SMUG1: variants seen among roughly 807,000 people sequenced by gnomAD.
SMUG1 encodes the protein single-strand selective monofunctional uracil DNA glycosylase.
In SMUG1, 13 loss-of-function variants were observed where a neutral mutation model predicts 23.9. The observed-to-expected ratio is 0.54, with a 90% CI of 0.35 to 0.86. The LOEUF (loss-of-function observed/expected upper bound fraction) is 0.86, where lower values mean the gene tolerates loss of function less well. Ranked by LOEUF, SMUG1 falls within the 40% of genes least tolerant of loss-of-function variation. The pLI is 0.01. For synonymous variants in SMUG1, 133 were observed against 139.8 expected (o/e 0.95, Z 0.34); for missense variants, 313 against 339.5 (o/e 0.92, Z 0.61).
At chr12:54,172,312 C>T in intron 2 of SMUG1, 2 of 318,232 alleles carry the variant, frequency 6.3e-6, no homozygotes, top group South Asian at 2.5e-5. Context: ...GTTCTTCCAA[C>T]ACACCAGACA....
downstream of SMUG1, among the ~76,000 whole-genome samples, chr12:54,160,728 G>A (rs1045438949): frequency 5.9e-5 from 9 of 152,064 alleles, no homozygotes; most frequent in Non-Finnish European, 1.2e-4. Flanking sequence ...CTCTACCATC[G>A]AACATCCAGA....
At chr12:54,177,029 A>C (rs1940776383), downstream of SMUG1, among the ~76,000 whole-genome samples, 2 of 152,146 alleles carry the variant, frequency 1.3e-5, no homozygotes, top group Admixed American at 6.5e-5. Context: ...CTCTAGAGAA[A>C]CTAGTGTTTC....
At chr12:54,179,289 TTC>T (rs1259815136), downstream of SMUG1, among the ~76,000 whole-genome samples, 2 of 152,196 alleles carry the variant, frequency 1.3e-5, no homozygotes, top group East Asian at 1.9e-4. Context: ...GTATCATTAG[TTC>T]TGTCTCTCTA....
chr12:54,181,502 T>C lies in SMUG1; in HGVS notation c.*594A>G. ...ATAGAGAGGTTTATTAATTTGTCAA[T>C]CAAAAAGTTCCAAGTTTCAAAGCTG... On this transcript the variant is annotated 3_prime_UTR_variant, in exon 4 of 4. Coordinates refer to ENST00000682136, the MANE Select transcript of SMUG1 (RefSeq NM_001243787.2). 3 of 1,499,290 alleles carry C rather than the reference T, an allele frequency of 2.0e-6. No homozygotes were observed. The highest frequency in any genetic ancestry group is 2.0e-5 in the Admixed American group (1 of 50,878). 92.9% of individuals were successfully genotyped at this position (1,499,290 alleles called of 1,614,324 possible). A position where few individuals can be genotyped will look rare whatever the true frequency, so the allele number is the denominator to read the frequency against.
chr12:54,170,980 C>T (rs1940600419), intron 3 of SMUG1, among the ~76,000 whole-genome samples: 1 of 151,258 alleles, frequency 6.6e-6, no homozygotes, highest in Non-Finnish European at 1.5e-5. Context: ...TCATTGGATG[C>T]CCTTCACTTT....
chr12:54,172,384 C>T (rs1371812556), intron 2 of SMUG1: 1 of 257,928 alleles, frequency 3.9e-6, no homozygotes, highest in African/African-American at 2.2e-5. Context: ...ACCCGGAAAT[C>T]TGTATGCCAC....
intron 3 of SMUG1, among the ~76,000 whole-genome samples, chr12:54,167,566 A>G (rs1031067015): frequency 6.7e-6 from 1 of 150,164 alleles, no homozygotes; most frequent in African/African-American, 2.5e-5. Context: ...TCCTCATGGA[A>G]CTCCAGTCCA....
intron 3 of SMUG1, among the ~76,000 whole-genome samples, chr12:54,167,760 C>A (rs1314836138): frequency 6.6e-6 from 1 of 152,340 alleles, no homozygotes; most frequent in East Asian, 1.9e-4. Context: ...CCTGAACTAT[C>A]CTGCTTCCAG....
chr12:54,177,944 A>AT (rs1235285886), downstream of SMUG1, among the ~76,000 whole-genome samples: 3 of 152,190 alleles, frequency 2.0e-5, no homozygotes, highest in Non-Finnish European at 4.4e-5. Context: ...TGAAGCCCCA[A>AT]TATGACTATA....
Position 54,186,474 on chromosome 12 carries a change from T to C in SMUG1, c.-20+1345A>G, listed in dbSNP as rs190976707. On this transcript the variant is annotated intron_variant, in intron 2 of 3. Coordinates refer to ENST00000682136, the MANE Select transcript of SMUG1 (RefSeq NM_001243787.2). ...TCTCCCACCTTAGCCTCCTGGGTAC[T>C]GGGATTACAGGTGCGCAGCACCACA... Among the ~76,000 whole-genome samples, 137 of 152,236 alleles carry C rather than the reference T, an allele frequency of 9.0e-4. 2 individuals carry two copies. The East Asian group carries it at 0.019, about 21-fold the overall frequency.
chr12:54,167,380 C>G (rs532749127), intron 3 of SMUG1, among the ~76,000 whole-genome samples: 2 of 152,272 alleles, frequency 1.3e-5, no homozygotes, highest in Admixed American at 1.3e-4. Flanking sequence ...AACAAACAAA[C>G]AGGAAAACCT....
Position 54,182,596 on chromosome 12 carries a change from G to A in SMUG1, c.313C>T (p.Arg105Trp), listed in dbSNP as rs3136389. ...GVPFGEVSMV[R>W]DWLGIVGPVL... ...GGCCCCACAATGCCCAACCAGTCCC[G>A]GACCATGCTTACTTCCCCAAAGGGC... The change falls in exon 4 of 4, where the codon CGG becomes TGG. Residue 105 changes from arginine (R) to tryptophan (W), a missense_variant. Coordinates refer to ENST00000682136, the MANE Select transcript of SMUG1 (RefSeq NM_001243787.2). The A allele has an allele frequency of 1.4e-3, 2,242 of 1,611,704 alleles. 5 individuals are homozygous for A. Among genetic ancestry groups the A allele is most frequent in the Admixed American group, 1.9e-3 (116 of 59,762 alleles).
chr12:54,162,870 G>C (rs1445185158), downstream of SMUG1: 2 of 152,220 alleles, frequency 1.3e-5, no homozygotes, highest in Non-Finnish European at 2.9e-5. Context: ...CTTTGATGCA[G>C]AGCTTGGTTA....
At chr12:54,175,449 T>G (rs567587362), downstream of SMUG1, among the ~76,000 whole-genome samples, 3 of 152,360 alleles carry the variant, frequency 2.0e-5, no homozygotes, top group Admixed American at 2.0e-4. Flanking sequence ...TCCTAGCCCC[T>G]TGCAGTTGGG....
chr12:54,175,086 T>G (rs1940720706), intron 2 of SMUG1: 1 of 152,200 alleles, frequency 6.6e-6, no homozygotes, highest in Non-Finnish European at 1.5e-5. Context: ...CATGCTCCAG[T>G]TGAAGTTCTT....
chr12:54,181,367 G>A lies in SMUG1; in HGVS notation c.*729C>T. The A allele has an allele frequency of 3.3e-6, 2 of 609,624 alleles. No individual in the cohort carries two copies. The highest frequency in any genetic ancestry group is 5.8e-6 in the Non-Finnish European group (2 of 345,568). The allele number at this position is 609,624 out of a possible 1,614,324, so 37.8% of individuals were successfully genotyped here. On this transcript the variant is annotated 3_prime_UTR_variant, in exon 4 of 4. Coordinates refer to ENST00000682136, the MANE Select transcript of SMUG1 (RefSeq NM_001243787.2). ...AGAAAACAAGAAGACTATGTAATGA[G>A]CACCCACATGCCAAGCCCATGCAAG...
intron 4 of SMUG1, among the ~76,000 whole-genome samples, chr12:54,158,623 T>G (rs1190998711): frequency 1.3e-5 from 2 of 152,060 alleles, no homozygotes; most frequent in Non-Finnish European, 2.9e-5. Flanking sequence ...GGGGTCTTCC[T>G]CATCCCTCCC....
chr12:54,158,889 C>T lies in SMUG1; in HGVS notation n.687+6485G>A, dbSNP rs1940134544. Among the ~76,000 whole-genome samples the T allele has an allele frequency of 1.3e-5, 2 of 152,210 alleles. 1 individual carries two copies. Among genetic ancestry groups the T allele is most frequent in the South Asian group, 4.1e-4 (2 of 4,836 alleles). ...CCTTTCTGTCTTTTGCTCAAGTGCA[C>T]TTATCCCTGGCTGCCAGGAAGTTTG... is the stretch of plus-strand genomic sequence containing the variant. On this transcript the variant is annotated intron_variant and non_coding_transcript_variant, in intron 4 of 5. Coordinates refer to the SMUG1 transcript ENST00000634429.
At chr12:54,160,461 G>T (rs971843602), downstream of SMUG1, among the ~76,000 whole-genome samples, 2 of 152,316 alleles carry the variant, frequency 1.3e-5, no homozygotes, top group African/African-American at 4.8e-5. Context: ...GGCAGGCATG[G>T]TGCAATCTGC....
Sources: gnomAD v4.1 joint callset for allele counts (sites outside exome capture counted in the v4.1 genomes callset) on GRCh38, gnomAD v4.1.1 for gene constraint, MANE v1.5 for transcripts, NCBI Gene and HGNC (gene_info 2026-07-23, HGNC 2026-07-21) for gene names.